Variants in PVR observed in about 807,000 individuals in gnomAD.
PVR encodes poliovirus receptor.
In PVR, 39 loss-of-function variants were observed where a neutral mutation model predicts 43.3. That is an observed-to-expected ratio of 0.90 (90% CI 0.70 to 1.18). PVR has a LOEUF of 1.18. Among genes scored for constraint, PVR ranks in the 50% most tolerant of loss-of-function variants. The pLI is 0.00. For synonymous variants in PVR, 224 were observed against 233.2 expected (o/e 0.96, Z 0.36); for missense variants, 480 against 549.7 (o/e 0.87, Z 1.27).
intron 4 of PVR, among the ~76,000 whole-genome samples, chr19:44,655,128 G>A: frequency 6.6e-6 from 1 of 152,112 alleles, no homozygotes; most frequent in Admixed American, 6.5e-5. Flanking sequence ...CTGTTGCCGA[G>A]GCTGGAGTGC....
In PVR at chr19:44,661,758, G is replaced by T. The variant is rs1381307410; in HGVS notation, c.1201G>T (p.Val401Leu). Residue 401 changes from valine (V) to leucine (L), a missense_variant, in exon 8 of 8, where the codon GTG (valine) becomes TTG (leucine). Coordinates refer to ENST00000425690, the MANE Select transcript of PVR (RefSeq NM_006505.5). ...SANGHVSYSAVSRENSSSQDP... is the reference protein window; with the variant it reads ...SANGHVSYSALSRENSSSQDP... ...CTTCTAGCATGTCTCCTATTCAGCT[G>T]TGAGCAGAGAGAACAGCTCTTCCCA... 7 of 1,614,092 alleles carry T rather than the reference G, an allele frequency of 4.3e-6. No homozygotes were observed. The East Asian group carries it at 1.6e-4, about 36-fold the overall frequency.
rs778131620 is a variant in PVR, at chr19:44,662,424, CTT to C, written c.*617_*618del. The C allele has an allele frequency of 6.6e-6, 1 of 152,564 alleles. No individual in the cohort carries two copies. Among genetic ancestry groups the C allele is most frequent in the Middle Eastern group, 3.4e-3 (1 of 294 alleles). The allele number at this position is 152,564 out of a possible 1,614,324, so 9.5% of individuals were successfully genotyped here. A position where few individuals can be genotyped will look rare whatever the true frequency, so the allele number is the denominator to read the frequency against. On this transcript the variant is annotated 3_prime_UTR_variant, in exon 8 of 8. Coordinates refer to ENST00000425690, the MANE Select transcript of PVR (RefSeq NM_006505.5). The stretch of plus-strand genomic sequence containing the variant: ...GTATGTGCCACCACGTCTGGCTAAT[CTT>C]TTTATTATTTGTAAAGTCGAGGTTT...
At chr19:44,661,439 G>T in intron 7 of PVR, 116 bp downstream of exon 7, 1 of 1,149,780 alleles carries the variant, frequency 8.7e-7, no homozygotes, top group South Asian at 1.3e-5. Context: ...CTGGTGCCTC[G>T]AGCAGCATTT....
chr19:44,652,222 G>A (rs982962912), intron 3 of PVR, among the ~76,000 whole-genome samples: 4 of 151,988 alleles, frequency 2.6e-5, no homozygotes, highest in Non-Finnish European at 5.9e-5. Flanking sequence ...TATTTGAGAC[G>A]GGGTCTTACT....
chr19:44,659,607 C>T (rs1973542737), intron 6 of PVR, among the ~76,000 whole-genome samples: 1 of 152,116 alleles, frequency 6.6e-6, no homozygotes, highest in South Asian at 2.1e-4. Context: ...CTCAGCCTCC[C>T]AAGGAGCGGG....
chr19:44,647,446 G>A lies in PVR; in HGVS notation c.303G>A (p.Ala101=), dbSNP rs368911732. ...RLEFVAARLG[A]ELRNASLRMF... is the part of the protein sequence containing the mutation. ...AATTCGTGGCAGCCAGACTGGGCGC[G>A]GAGCTGCGGAATGCCTCGCTGAGGA... is the stretch of plus-strand genomic sequence containing the variant. The change falls in exon 2 of 8, where the codon GCG becomes GCA. Residue 101 remains alanine (A), a synonymous_variant. Transcript: ENST00000425690. 7.8e-5 allele frequency: 126 copies of A among 1,614,064 alleles called. No homozygotes were observed. The African/African-American group carries it at 8.1e-4, about 10-fold the overall frequency.
intron 4 of PVR, 132 bp from the exon 5 acceptor site, chr19:44,657,630 G>T: frequency 1.2e-6 from 1 of 810,906 alleles, no homozygotes; most frequent in Middle Eastern, 3.6e-4. Context: ...GGAAGAGTTG[G>T]GGGGCCTCCA....
At chr19:44,648,487 CTT>C (rs111862619) in intron 2 of PVR, among the ~76,000 whole-genome samples, 5 of 143,758 alleles carry the variant, frequency 3.5e-5, no homozygotes, top group South Asian at 2.2e-4. Context: ...AAAACTGACC[CTT>C]TTTTTTTTTT....
rs1330554616 is a variant in PVR, at chr19:44,664,700, C to T, written c.*2889C>T. The T allele has an allele frequency of 6.7e-6, 1 of 150,342 alleles. No homozygotes were observed. Among genetic ancestry groups the T allele is most frequent in the Non-Finnish European group, 1.5e-5 (1 of 67,812 alleles). 9.3% of individuals were successfully genotyped at this position (150,342 alleles called of 1,614,324 possible). Reference sequence around the variant, plus strand: ...TGTAGTGAATAACTTTACACACTGTCATTTATTTTACTTTTTTTTTTTTTT... The same window carrying T: ...TGTAGTGAATAACTTTACACACTGTTATTTATTTTACTTTTTTTTTTTTTT... On this transcript the variant is annotated 3_prime_UTR_variant, in exon 8 of 8. Transcript: ENST00000425690.
chr19:44,643,910 A>G lies in PVR; in HGVS notation c.-187A>G. ...CTGGCCGCCAACTCCCCTCCGCTCCAGTCACTTGTCTGGAGCTTGAAGAAG... is the reference window on the plus strand; with the variant it reads ...CTGGCCGCCAACTCCCCTCCGCTCCGGTCACTTGTCTGGAGCTTGAAGAAG... On this transcript the variant is annotated 5_prime_UTR_variant, in exon 1 of 8. Transcript: ENST00000425690. The G allele has an allele frequency of 4.7e-6, 2 of 429,190 alleles. No individual in the cohort carries two copies. The highest frequency in any genetic ancestry group is 4.1e-6 in the Non-Finnish European group (1 of 244,154). The allele number at this position is 429,190 out of a possible 1,614,324, so 26.6% of individuals were successfully genotyped here.
In PVR at chr19:44,661,230, GTCT is replaced by G. The variant is rs993550375; in HGVS notation, c.1151-56_1151-54del. The G allele has an allele frequency of 2.0e-5, 31 of 1,516,408 alleles. No individual in the cohort carries two copies. The Admixed American group carries it at 4.8e-4, about 24-fold the overall frequency. The allele number at this position is 1,516,408 out of a possible 1,614,324, so 93.9% of individuals were successfully genotyped here. A position where few individuals can be genotyped will look rare whatever the true frequency, so the allele number is the denominator to read the frequency against. ...TTTCAGGGCCCTGACACCCAGGCAT[GTCT>G]TCTTCCCATGCTTCCCAGCATTATT... is the stretch of plus-strand genomic sequence containing the variant. On this transcript the variant is annotated intron_variant, in intron 6 of 7. Coordinates refer to ENST00000425690, the MANE Select transcript of PVR (RefSeq NM_006505.5).
At chr19:44,645,029 AAT>A (rs1326477414) in intron 1 of PVR, among the ~76,000 whole-genome samples, 2 of 108,322 alleles carry the variant, frequency 1.8e-5, no homozygotes, top group Non-Finnish European at 1.8e-5. Context: ...ATATTATAGT[AAT>A]ATATAATATA....
At position 44,661,756 on chromosome 19, in the gene PVR, C is replaced by T. The variant is rs920843731; in HGVS notation, c.1199C>T (p.Ala400Val). ...ASANGHVSYSAVSRENSSSQD... is the reference protein window; with the variant it reads ...ASANGHVSYSVVSRENSSSQD... ...CTCTTCTAGCATGTCTCCTATTCAG[C>T]TGTGAGCAGAGAGAACAGCTCTTCC... Residue 400 changes from alanine (A) to valine (V), a missense_variant, in exon 8 of 8, where the codon GCT (alanine) becomes GTT (valine). Transcript: ENST00000425690. 3.7e-6 allele frequency: 6 copies of T among 1,613,920 alleles called. No homozygotes were observed. The African/African-American group carries it at 8.0e-5, about 22-fold the overall frequency.
At position 44,661,764 on chromosome 19, in the gene PVR, A is replaced by G. The variant is rs1396989432; in HGVS notation, c.1207A>G (p.Arg403Gly). The change falls in exon 8 of 8, where the codon AGA becomes GGA. Residue 403 changes from arginine (R) to glycine (G), a missense_variant. Coordinates refer to ENST00000425690, the MANE Select transcript of PVR (RefSeq NM_006505.5). Reference sequence around the variant, plus strand: ...GCATGTCTCCTATTCAGCTGTGAGCAGAGAGAACAGCTCTTCCCAGGATCC... The same window carrying G: ...GCATGTCTCCTATTCAGCTGTGAGCGGAGAGAACAGCTCTTCCCAGGATCC... ...NGHVSYSAVSRENSSSQDPQT... is the reference protein window; with the variant it reads ...NGHVSYSAVSGENSSSQDPQT... The G allele has an allele frequency of 3.1e-6, 5 of 1,613,908 alleles. No individual in the cohort carries two copies. In the African/African-American group the frequency reaches 6.7e-5, roughly 22 times the overall value.
Position 44,662,153 on chromosome 19 carries a change from A to T in PVR, c.*342A>T. The T allele has an allele frequency of 3.4e-6, 1 of 292,942 alleles. No individual in the cohort carries two copies. 18.1% of individuals were successfully genotyped at this position (292,942 alleles called of 1,614,324 possible). A position where few individuals can be genotyped will look rare whatever the true frequency, so the allele number is the denominator to read the frequency against. ...GCTTCCATCTGCCCTCTCCCAGTGGAGCCATATAGGCAGCACCTGATTCTC... is the reference window on the plus strand; with the variant it reads ...GCTTCCATCTGCCCTCTCCCAGTGGTGCCATATAGGCAGCACCTGATTCTC... On this transcript the variant is annotated 3_prime_UTR_variant, in exon 8 of 8. Coordinates refer to ENST00000425690, the MANE Select transcript of PVR (RefSeq NM_006505.5).
At chr19:44,657,145 C>T (rs995536583) in intron 4 of PVR, among the ~76,000 whole-genome samples, 1 of 152,132 alleles carries the variant, frequency 6.6e-6, no homozygotes, top group Admixed American at 6.5e-5. Context: ...GCAGAGGGAA[C>T]AGCATGGGCA....
chr19:44,645,465 T>C (rs1444682634), intron 1 of PVR, among the ~76,000 whole-genome samples: 1 of 115,840 alleles, frequency 8.6e-6, no homozygotes, highest in Non-Finnish European at 1.7e-5. Context: ...TGCGTGTATG[T>C]GTGTGTGTGT....
Position 44,654,010 on chromosome 19 carries a change from TG to T in PVR, c.837del (p.Trp279Ter). The T allele has an allele frequency of 1.2e-6, 2 of 1,611,898 alleles. No individual in the cohort carries two copies. The highest frequency in any genetic ancestry group is 1.7e-6 in the Non-Finnish European group (2 of 1,178,060). Reference protein sequence around the residue: ...RSNPEPTGYNWSTTMGPLPPF... With the variant: ...RSNPEPTGYNXSTTMGPLPPF... Reference sequence around the variant, plus strand: ...CAACCCAGAGCCCACAGGCTATAATTGGAGCACGTGAGTCCTGGGTCTCAGG... The same window carrying T: ...CAACCCAGAGCCCACAGGCTATAATTGAGCACGTGAGTCCTGGGTCTCAGG... On this transcript the variant is annotated frameshift_variant, in exon 4 of 8. Transcript: ENST00000425690. LOFTEE classifies it high-confidence loss of function.
intron 4 of PVR, among the ~76,000 whole-genome samples, chr19:44,655,096 C>A (rs1973403797): frequency 6.6e-6 from 1 of 151,204 alleles, no homozygotes; most frequent in African/African-American, 2.4e-5. Flanking sequence ...CTGAACCGCC[C>A]TTTTTTTTTA....
Sources: allele counts gnomAD v4.1 joint callset (sites outside exome capture counted in the v4.1 genomes callset), GRCh38; gene constraint gnomAD v4.1.1; transcripts MANE v1.5; gene names NCBI Gene and HGNC (gene_info 2026-07-23, HGNC 2026-07-21).